The following AGBL1 variants were observed in gnomAD, a reference collection of about 807,000 sequenced individuals.
AGBL1 encodes the protein AGBL carboxypeptidase 1, also known as cytosolic carboxypeptidase 4.
AGBL1 carries 130 observed loss-of-function variants against 118.9 expected under a neutral mutation model. The observed-to-expected ratio is 1.09, with a 90% CI of 0.95 to 1.26. The LOEUF (loss-of-function observed/expected upper bound fraction) is 1.26. Among genes scored for constraint, AGBL1 ranks in the 50% most tolerant of loss-of-function variants. The probability of loss-of-function intolerance (pLI) is 0.00; values close to 1 mark genes in which losing one functional copy is unlikely to be tolerated. For synonymous variants in AGBL1, 555 were observed against 478.9 expected, an observed-to-expected ratio of 1.16 and a Z score of -2.08; for missense variants, 1,584 against 1,298.1, an observed-to-expected ratio of 1.22 and a Z score of -3.38.
chr15:86,463,908 GT>G (rs2082364232), intron 18 of AGBL1, among the ~76,000 whole-genome samples: 1 of 152,148 alleles, frequency 6.6e-6, no homozygotes, highest in Admixed American at 6.5e-5. Flanking sequence ...GCTTAGGATT[GT>G]CTTGGCTATA....
intron 22 of AGBL1, among the ~76,000 whole-genome samples, chr15:86,731,276 A>C (rs1162025528): frequency 6.6e-6 from 1 of 152,182 alleles, no homozygotes; most frequent in African/African-American, 2.4e-5. Context: ...AAGAAGTCTC[A>C]CGTACCTGAA....
intron 22 of AGBL1, among the ~76,000 whole-genome samples, chr15:86,785,371 T>C (rs541581337): frequency 1.4e-5 from 2 of 143,882 alleles, no homozygotes; most frequent in Non-Finnish European, 3.1e-5. Flanking sequence ...TTTTTTTTTT[T>C]TTTTTTTGTT....
intron 22 of AGBL1, among the ~76,000 whole-genome samples, chr15:86,864,575 A>G (rs943267492): frequency 5.3e-5 from 8 of 152,068 alleles, no homozygotes; most frequent in Admixed American, 5.2e-4. Context: ...GCTTGCCTTC[A>G]TACTACTCTA....
chr15:86,820,881 G>A (rs947838415), intron 22 of AGBL1, among the ~76,000 whole-genome samples: 4 of 152,182 alleles, frequency 2.6e-5, no homozygotes, highest in South Asian at 2.1e-4. Flanking sequence ...ACATGCACAC[G>A]TATATTTATT....
In AGBL1 at chr15:86,675,379, G is replaced by A. The variant is rs191601310; in HGVS notation, c.3158+943G>A. Among the ~76,000 whole-genome samples, 321 of 152,268 alleles carry A rather than the reference G, an allele frequency of 2.1e-3. 1 individual carries two copies. Among genetic ancestry groups the A allele is most frequent in the Admixed American group, 7.6e-3 (116 of 15,296 alleles). ...TGCAGTGTGACATACTGAATGGCCAGTGAAACCTAGAAAGATCTAGCAGTA... is the reference window on the plus strand; with the variant it reads ...TGCAGTGTGACATACTGAATGGCCAATGAAACCTAGAAAGATCTAGCAGTA... On this transcript the variant is annotated intron_variant, in intron 22 of 22. Coordinates refer to ENST00000614907, the MANE Select transcript of AGBL1 (RefSeq NM_001386094.1).
At chr15:86,301,429 T>C (rs1483805770) in intron 17 of AGBL1, among the ~76,000 whole-genome samples, 1 of 151,720 alleles carries the variant, frequency 6.6e-6, no homozygotes, top group Non-Finnish European at 1.5e-5. Context: ...GTGATGCTTT[T>C]GACAAATAGT....
rs142624986 is a variant in AGBL1 at position 86,478,424 on chromosome 15, C to G, written c.2556-44386C>G. 4.5e-3 allele frequency among the ~76,000 whole-genome samples: 685 copies of G among 152,270 alleles called. 3 individuals are homozygous for G. Among genetic ancestry groups the G allele is most frequent in the African/African-American group, 0.016 (645 of 41,556 alleles). On this transcript the variant is annotated intron_variant, in intron 18 of 22. Coordinates refer to ENST00000614907, the MANE Select transcript of AGBL1 (RefSeq NM_001386094.1). ...TCAATGTGCAAAAATCACAAACATT[C>G]TTATACACCAATAAGAGAAAAACGG...
rs2079774185 is a variant in AGBL1, at chr15:86,874,362, C to A, written c.3159-32725C>A. Among the ~76,000 whole-genome samples, 3 of 144,504 alleles carry A rather than the reference C, an allele frequency of 2.1e-5. No homozygotes were observed. The South Asian group carries it at 6.7e-4, about 32-fold the overall frequency. The allele number at this position is 144,504 out of a possible 152,430, so 94.8% of individuals were successfully genotyped here. A position where few individuals can be genotyped will look rare whatever the true frequency, so the allele number is the denominator to read the frequency against. ...GCAAAATGTAGTAAAAGGACCTGCC[C>A]CAAGATTGTTGTGGGTGGGACACAC... is the stretch of plus-strand genomic sequence containing the variant. On this transcript the variant is annotated intron_variant, in intron 22 of 22. Transcript: ENST00000614907.
chr15:86,753,376 GCTTT>G (rs2077883394), intron 22 of AGBL1, among the ~76,000 whole-genome samples: 1 of 149,032 alleles, frequency 6.7e-6, no homozygotes, highest in African/African-American at 2.5e-5. Flanking sequence ...AGGAATCAAG[GCTTT>G]CTTTCTTTTT....
At chr15:86,680,631 A>G (rs541864187) in intron 22 of AGBL1, among the ~76,000 whole-genome samples, 22 of 139,634 alleles carry the variant, frequency 1.6e-4, no homozygotes, top group African/African-American at 5.9e-4. Flanking sequence ...CAGTGGGGCA[A>G]TCTTGGCTCA....
chr15:86,329,133 C>T (rs1181761709), intron 17 of AGBL1, among the ~76,000 whole-genome samples: 2 of 152,114 alleles, frequency 1.3e-5, no homozygotes, highest in Non-Finnish European at 1.5e-5. Flanking sequence ...GCCATCTTGG[C>T]AGACTGGAAC....
At chr15:86,998,892 T>C (rs1445023918) in intron 24 of AGBL1, among the ~76,000 whole-genome samples, 2 of 151,366 alleles carry the variant, frequency 1.3e-5, no homozygotes, top group Non-Finnish European at 2.9e-5. Flanking sequence ...CTTTAAGTTC[T>C]AGGGTACATG....
In AGBL1 at chr15:86,200,699, C is replaced by G. The variant is rs183109676; in HGVS notation, c.489-24215C>G. 8.5e-3 allele frequency among the ~76,000 whole-genome samples: 1,297 copies of G among 151,830 alleles called. 16 individuals are homozygous for G. Among genetic ancestry groups the G allele is most frequent in the African/African-American group, 0.03 (1,256 of 41,346 alleles). ...TGGCGCGATCTCGGCTCACTGCAACCTCTGCCTCCCAGGTTCAAGCAATTC... is the reference window on the plus strand; with the variant it reads ...TGGCGCGATCTCGGCTCACTGCAACGTCTGCCTCCCAGGTTCAAGCAATTC... On this transcript the variant is annotated intron_variant, in intron 5 of 22. Transcript: ENST00000614907.
At chr15:86,928,760 G>A (rs2080574170) in intron 23 of AGBL1, among the ~76,000 whole-genome samples, 1 of 152,120 alleles carries the variant, frequency 6.6e-6, no homozygotes, top group Non-Finnish European at 1.5e-5. Context: ...CATTTCATTT[G>A]AATGAATGAA....
intron 21 of AGBL1, among the ~76,000 whole-genome samples, chr15:86,654,857 CA>C (rs1042407313): frequency 6.6e-6 from 1 of 152,126 alleles, no homozygotes; most frequent in African/African-American, 2.4e-5. Flanking sequence ...GCATCAAAAT[CA>C]AATGGGAGCT....
chr15:86,777,204 T>A (rs1486782100), intron 22 of AGBL1, among the ~76,000 whole-genome samples: 1 of 152,134 alleles, frequency 6.6e-6, no homozygotes, highest in Non-Finnish European at 1.5e-5. Flanking sequence ...GGGGGTTGTT[T>A]CTTTTTTCCA....
chr15:86,744,520 A>G lies in AGBL1; in HGVS notation c.3158+70084A>G, dbSNP rs146789206. Among the ~76,000 whole-genome samples, 113 of 152,268 alleles carry G rather than the reference A, an allele frequency of 7.4e-4. 1 individual carries two copies. The highest frequency in any genetic ancestry group is 3.4e-3 in the Middle Eastern group (1 of 294). On this transcript the variant is annotated intron_variant, in intron 22 of 22. Coordinates refer to ENST00000614907, the MANE Select transcript of AGBL1 (RefSeq NM_001386094.1). ...GAATAAATCAAGGGACCTTTCAGGG[A>G]ATCAGGGCAATAACAGTGGAGTCCA...
chr15:86,399,210 A>G (rs1353296252), intron 18 of AGBL1, among the ~76,000 whole-genome samples: 3 of 152,160 alleles, frequency 2.0e-5, no homozygotes, highest in Admixed American at 6.6e-5. Flanking sequence ...GCTCCTGGTC[A>G]AACAGAACTC....
intron 17 of AGBL1, chr15:86,297,142 C>T (rs2079658138): frequency 6.6e-6 from 1 of 152,086 alleles, no homozygotes; most frequent in African/African-American, 2.4e-5. Flanking sequence ...TCAAAAGAGG[C>T]TGGTTTCTGC....
Sources: allele counts gnomAD v4.1 joint callset (sites outside exome capture counted in the v4.1 genomes callset), GRCh38; gene constraint gnomAD v4.1.1; transcripts MANE v1.5; gene names NCBI Gene and HGNC (gene_info 2026-07-23, HGNC 2026-07-21).